Variants in ANKRD42 observed in about 807,000 individuals in gnomAD.
ANKRD42 encodes ankyrin repeat domain 42.
ANKRD42 carries 43 observed loss-of-function variants against 51.5 expected under a neutral mutation model. That is an observed-to-expected ratio of 0.83 (90% confidence interval 0.65 to 1.08). ANKRD42 has a LOEUF of 1.08. Ranked by LOEUF, ANKRD42 falls within the 50% of genes least tolerant of loss-of-function variation. ANKRD42 has a pLI of 0.00. For missense variants in ANKRD42, 608 were observed against 629.3 expected (o/e 0.97, Z 0.36); for synonymous variants, 203 against 213.0 (o/e 0.95, Z 0.41).
rs1351009134 is a variant in ANKRD42, at chr11:83,210,351, A to G, written c.382A>G (p.Thr128Ala). 3 of 1,613,816 alleles carry G rather than the reference A, an allele frequency of 1.9e-6. No homozygotes were observed. The highest frequency in any genetic ancestry group is 1.3e-5 in the African/African-American group (1 of 74,886). The change falls in exon 4 of 11, where the codon ACT (threonine) becomes GCT (alanine). Residue 128 changes from threonine (T) to alanine (A), a missense_variant. By Grantham distance (58) the Thr-to-Ala change is moderately conservative. Coordinates refer to ENST00000533342, the MANE Select transcript of ANKRD42 (RefSeq NM_001300975.2). ...GACAGCCCAGGATGACCGGGGATGC[A>G]CTCCTTTACATCTTGCTGCAACTCA... Reference protein sequence around the residue: ...NLTAQDDRGCTPLHLAATHGH... With the variant: ...NLTAQDDRGCAPLHLAATHGH...
chr11:83,247,879 A>C (rs1317237187), intron 10 of ANKRD42, 64 bp from the exon 11 acceptor site: 4 of 1,331,058 alleles, frequency 3.0e-6, no homozygotes, highest in Non-Finnish European at 4.1e-6. Flanking sequence ...AATGCTTTCC[A>C]CTACTAAAAG....
chr11:83,222,004 A>C (rs1862731895), intron 5 of ANKRD42, among the ~76,000 whole-genome samples: 1 of 152,194 alleles, frequency 6.6e-6, no homozygotes. Context: ...CACTTTTTCC[A>C]GTATAAAAAC....
At chr11:83,195,164 A>T (rs925563709) in intron 1 of ANKRD42, among the ~76,000 whole-genome samples, 1 of 152,106 alleles carries the variant, frequency 6.6e-6, no homozygotes, top group African/African-American at 2.4e-5. Flanking sequence ...TGATGATGCC[A>T]TCATTGGTTC....
Position 83,227,627 on chromosome 11 carries a change from A to T in ANKRD42, c.788-120A>T. 5.0e-6 allele frequency: 5 copies of T among 1,003,936 alleles called. 1 individual carries two copies. The Middle Eastern group carries it at 9.3e-4, about 187-fold the overall frequency. The allele number at this position is 1,003,936 out of a possible 1,614,324, so 62.2% of individuals were successfully genotyped here. ...TTACTGGTAGTCATCAACTGAACTC[A>T]TCCGATTACAACAGCCTTATATTTG... On this transcript the variant is annotated intron_variant, in intron 6 of 10. Transcript: ENST00000533342.
At chr11:83,262,768 CT>C (rs1864000779), downstream of ANKRD42, among the ~76,000 whole-genome samples, 1 of 152,156 alleles carries the variant, frequency 6.6e-6, no homozygotes, top group African/African-American at 2.4e-5. Flanking sequence ...CTTACTGAAA[CT>C]TGGTTAATGA....
downstream of ANKRD42, chr11:83,260,221 T>C (rs1339620985): frequency 6.6e-6 from 1 of 152,190 alleles, no homozygotes; most frequent in Non-Finnish European, 1.5e-5. Context: ...TTTACTTGTT[T>C]ATGTCTCTCT....
At chr11:83,233,658 A>G (rs1384047427) in intron 7 of ANKRD42, among the ~76,000 whole-genome samples, 1 of 151,886 alleles carries the variant, frequency 6.6e-6, no homozygotes, top group African/African-American at 2.4e-5. Context: ...TCTTGTTAAG[A>G]TGCATCATTA....
chr11:83,229,400 T>C (rs1443973984), intron 7 of ANKRD42, among the ~76,000 whole-genome samples: 1 of 152,178 alleles, frequency 6.6e-6, no homozygotes, highest in Non-Finnish European at 1.5e-5. Flanking sequence ...ACATCCATTT[T>C]ATAGCCCCCA....
At chr11:83,198,927 A>G (rs1189992831) in intron 2 of ANKRD42, among the ~76,000 whole-genome samples, 1 of 152,158 alleles carries the variant, frequency 6.6e-6, no homozygotes, top group Non-Finnish European at 1.5e-5. Context: ...CTTCAGCTGG[A>G]ATATTAAAAA....
intron 8 of ANKRD42, 30 bp downstream of exon 8, chr11:83,236,539 C>G (rs1405677100): frequency 6.5e-7 from 1 of 1,537,556 alleles, no homozygotes; most frequent in African/African-American, 1.4e-5. Flanking sequence ...TTACTCCTTT[C>G]TTTTCTCTTT....
chr11:83,195,768 G>A (rs896469958), intron 1 of ANKRD42, among the ~76,000 whole-genome samples: 3 of 149,598 alleles, frequency 2.0e-5, no homozygotes, highest in Non-Finnish European at 4.4e-5. Context: ...TTTTCCCAGT[G>A]TTCAGAGTCT....
chr11:83,195,755 T>G (rs1404685065), intron 1 of ANKRD42, among the ~76,000 whole-genome samples: 4 of 152,152 alleles, frequency 2.6e-5, no homozygotes, highest in Admixed American at 6.5e-5. Context: ...CTTTCTCCTT[T>G]TCTTTTCCCA....
chr11:83,219,477 CG>C (rs879619752), intron 5 of ANKRD42, among the ~76,000 whole-genome samples: 1 of 152,106 alleles, frequency 6.6e-6, no homozygotes, highest in East Asian at 1.9e-4. Context: ...TGACAGGAGG[CG>C]TATAGTAAGT....
intron 5 of ANKRD42, chr11:83,213,644 CA>C: frequency 1.2e-6 from 1 of 865,072 alleles, no homozygotes; most frequent in Non-Finnish European, 1.5e-6. Flanking sequence ...TGTTGAACAT[CA>C]TTTCGTACGT....
intron 9 of ANKRD42, 77 bp from the exon 10 acceptor site, chr11:83,245,421 C>A: frequency 6.9e-7 from 1 of 1,450,860 alleles, no homozygotes; most frequent in Non-Finnish European, 9.2e-7. Context: ...GAAGAATATG[C>A]TCAAGAATAC....
In ANKRD42 at chr11:83,224,929, GT is replaced by G; in HGVS notation, c.665del (p.Leu222Ter). 6.2e-7 allele frequency: 1 copy of G among 1,613,302 alleles called. No homozygotes were observed. Among genetic ancestry groups the G allele is most frequent in the Non-Finnish European group, 8.5e-7 (1 of 1,179,444 alleles). On this transcript the variant is annotated frameshift_variant, in exon 6 of 11. Coordinates refer to ENST00000533342, the MANE Select transcript of ANKRD42 (RefSeq NM_001300975.2). LOFTEE classifies it high-confidence loss of function. ...LVSRMSSATQ[V>X]LKAFNDNGEN... is the part of the protein sequence containing the mutation. ...CAGTAGAATGAGCAGTGCGACGCAA[GT>G]TTTAAAAGCTTTCAATGATAATGGA... is the stretch of plus-strand genomic sequence containing the variant.
At chr11:83,238,646 C>T (rs1863293241) in intron 8 of ANKRD42, among the ~76,000 whole-genome samples, 1 of 152,086 alleles carries the variant, frequency 6.6e-6, no homozygotes, top group South Asian at 2.1e-4. Flanking sequence ...GGCTGACCAA[C>T]ATGGAGAAAC....
At chr11:83,240,621 C>A in intron 8 of ANKRD42, 138 bp from the exon 9 acceptor site, 1 of 809,456 alleles carries the variant, frequency 1.2e-6, no homozygotes, top group East Asian at 2.8e-5. Flanking sequence ...TGTCACTGAC[C>A]TTCAGATTTT....
At chr11:83,209,472 C>T in intron 3 of ANKRD42, 15 of 1,378,970 alleles carry the variant, frequency 1.1e-5, no homozygotes, top group Non-Finnish European at 1.4e-5. Context: ...GTCGTGCTGC[C>T]CAAGGACATA....
Sources: gnomAD v4.1 joint callset for allele counts (sites outside exome capture counted in the v4.1 genomes callset) on GRCh38, gnomAD v4.1.1 for gene constraint, MANE v1.5 for transcripts, NCBI Gene and HGNC (gene_info 2026-07-23, HGNC 2026-07-21) for gene names.